EPM2A: variants seen among roughly 807,000 people sequenced by gnomAD.
EPM2A encodes EPM2A glucan phosphatase, laforin.
A neutral mutation model predicts 26.5 loss-of-function variants in EPM2A; 21 were observed. The ratio of observed to expected loss-of-function variants is 0.79; its 90% CI spans 0.56 to 1.14. The LOEUF is 1.14. Ranked by LOEUF, EPM2A falls within the 50% of genes most tolerant of loss-of-function variation. EPM2A has a pLI of 0.00. For missense variants in EPM2A, 458 were observed against 440.8 expected, an observed-to-expected ratio of 1.04 and a Z score of -0.35; for synonymous variants, 217 against 177.6, an observed-to-expected ratio of 1.22 and a Z score of -1.76.
At chr6:145,578,468 G>A (rs2114833363) in intron 2 of EPM2A, among the ~76,000 whole-genome samples, 1 of 152,164 alleles carries the variant, frequency 6.6e-6, no homozygotes, top group East Asian at 1.9e-4. Context: ...TCAGACAATA[G>A]AACCTTCCAA....
At chr6:145,717,456 T>C (rs1398589729) in intron 1 of EPM2A, among the ~76,000 whole-genome samples, 1 of 152,138 alleles carries the variant, frequency 6.6e-6, no homozygotes, top group African/African-American at 2.4e-5. Flanking sequence ...TAGGTATTGA[T>C]GGGACGTATC....
chr6:145,469,139 A>C (rs12110970), intron 4 of EPM2A, among the ~76,000 whole-genome samples: 10,653 of 152,064 alleles, frequency 0.07, 1,093 homozygotes, highest in African/African-American at 0.22. Context: ...AAAGGGGAAG[A>C]AAGGCACCCT....
chr6:145,438,443 G>T (rs1272113340), intron 4 of EPM2A, among the ~76,000 whole-genome samples: 2 of 148,634 alleles, frequency 1.3e-5, no homozygotes, highest in Non-Finnish European at 3.0e-5. Context: ...GGTATTCCCA[G>T]TGTAGATTCT....
intron 2 of EPM2A, among the ~76,000 whole-genome samples, chr6:145,553,785 A>G (rs983176648): frequency 2.7e-5 from 4 of 148,624 alleles, no homozygotes; most frequent in African/African-American, 9.8e-5. Context: ...TTTGTTGCTG[A>G]CAAATAGTTA....
chr6:145,582,124 T>G (rs1781122703), intron 2 of EPM2A, among the ~76,000 whole-genome samples: 1 of 152,140 alleles, frequency 6.6e-6, no homozygotes, highest in Non-Finnish European at 1.5e-5. Flanking sequence ...GTCCCAGAGG[T>G]TCTGGTTTGT....
At chr6:145,622,164 T>C (rs1386990530), downstream of EPM2A, among the ~76,000 whole-genome samples, 2 of 152,190 alleles carry the variant, frequency 1.3e-5, no homozygotes, top group Non-Finnish European at 2.9e-5. Context: ...TGTCCTTTAG[T>C]AATGTTGGTA....
intron 4 of EPM2A, among the ~76,000 whole-genome samples, chr6:145,411,655 A>G (rs1562324760): frequency 6.6e-6 from 1 of 152,200 alleles, no homozygotes; most frequent in Non-Finnish European, 1.5e-5. Flanking sequence ...AAACATAAAC[A>G]AAAGTACAAT....
chr6:145,533,705 C>G (rs1780393454), intron 2 of EPM2A, among the ~76,000 whole-genome samples: 1 of 152,128 alleles, frequency 6.6e-6, no homozygotes, highest in African/African-American at 2.4e-5. Context: ...CAAATGTCTC[C>G]TCCTCAGAAA....
chr6:145,648,990 AT>A (rs1403466110), intron 2 of EPM2A, among the ~76,000 whole-genome samples: 1 of 152,168 alleles, frequency 6.6e-6, no homozygotes, highest in Non-Finnish European at 1.5e-5. Flanking sequence ...TCATTTAAGC[AT>A]TTCTTCAAGT....
intron 2 of EPM2A, among the ~76,000 whole-genome samples, chr6:145,593,307 C>G (rs984249346): frequency 8.5e-5 from 13 of 152,090 alleles, no homozygotes; most frequent in Admixed American, 8.5e-4. Context: ...GAGACTAAAA[C>G]TGGTAAACTG....
intron 4 of EPM2A, among the ~76,000 whole-genome samples, chr6:145,418,075 G>A (rs1778733282): frequency 6.6e-6 from 1 of 152,170 alleles, no homozygotes; most frequent in Non-Finnish European, 1.5e-5. Flanking sequence ...ATGAGAAGAA[G>A]AGCAGAGCCA....
intron 2 of EPM2A, among the ~76,000 whole-genome samples, chr6:145,649,940 C>T (rs191077357): frequency 7.0e-4 from 107 of 152,280 alleles, no homozygotes; most frequent in African/African-American, 2.2e-3. Flanking sequence ...ATCATCATGG[C>T]AAATTTTAAG....
At chr6:145,537,581 G>GTT (rs11327111) in intron 2 of EPM2A, among the ~76,000 whole-genome samples, 6 of 133,126 alleles carry the variant, frequency 4.5e-5, no homozygotes, top group African/African-American at 5.5e-5. Context: ...CCTACAAGAG[G>GTT]TTTTTTTTTT....
intron 4 of EPM2A, among the ~76,000 whole-genome samples, chr6:145,412,315 G>C (rs1404680042): frequency 6.6e-6 from 1 of 151,396 alleles, no homozygotes; most frequent in African/African-American, 2.4e-5. Flanking sequence ...TAACTACATA[G>C]TTGAATATCA....
intron 4 of EPM2A, among the ~76,000 whole-genome samples, chr6:145,445,502 G>A (rs922273078): frequency 5.9e-5 from 9 of 152,114 alleles, no homozygotes; most frequent in Non-Finnish European, 4.4e-5. Flanking sequence ...AATAGATTAC[G>A]ACTGAGATGG....
chr6:145,655,787 C>T (rs1226271206), intron 2 of EPM2A, among the ~76,000 whole-genome samples: 2 of 152,042 alleles, frequency 1.3e-5, no homozygotes, highest in South Asian at 2.1e-4. Context: ...AAAAAGGGAA[C>T]ATAACAGAGC....
chr6:145,556,948 A>G (rs1379900386), intron 2 of EPM2A, among the ~76,000 whole-genome samples: 5 of 152,122 alleles, frequency 3.3e-5, no homozygotes, highest in Non-Finnish European at 5.9e-5. Flanking sequence ...AAAAAAAGCA[A>G]GTCAGAAGAC....
intron 2 of EPM2A, among the ~76,000 whole-genome samples, chr6:145,666,962 T>C (rs1273003383): frequency 1.6e-5 from 2 of 128,690 alleles, no homozygotes; most frequent in African/African-American, 3.3e-5. Context: ...GCTAGCCATA[T>C]GTAGAAAGCT....
At position 145,627,207 on chromosome 6, in the gene EPM2A, T is replaced by A. The variant is rs1198387477; in HGVS notation, c.*209A>T. ...TAACTGCTTCGTGCTTCTTCTCATG[T>A]GTTGAGCCACAGCTTTCTTGTAGAG... On this transcript the variant is annotated 3_prime_UTR_variant, in exon 4 of 4. Coordinates refer to ENST00000367519, the MANE Select transcript of EPM2A (RefSeq NM_005670.4). 9 of 1,445,750 alleles carry A rather than the reference T, an allele frequency of 6.2e-6. No homozygotes were observed. Among genetic ancestry groups the A allele is most frequent in the Non-Finnish European group, 8.1e-6 (9 of 1,105,854 alleles). 89.6% of individuals were successfully genotyped at this position (1,445,750 alleles called of 1,614,324 possible). A position where few individuals can be genotyped will look rare whatever the true frequency, so the allele number is the denominator to read the frequency against.
Sources: gnomAD v4.1 joint callset for allele counts (sites outside exome capture counted in the v4.1 genomes callset) on GRCh38, gnomAD v4.1.1 for gene constraint, MANE v1.5 for transcripts, NCBI Gene and HGNC (gene_info 2026-07-23, HGNC 2026-07-21) for gene names.